ROS1: variants seen among roughly 807,000 people sequenced by gnomAD.
ROS1 encodes proto-oncogene tyrosine-protein kinase ROS.
In ROS1, 263 loss-of-function variants were observed where a neutral mutation model predicts 273.5. That is an observed-to-expected ratio of 0.96 (90% confidence interval 0.87 to 1.06). The LOEUF is 1.06. ROS1 is among the 50% of genes least tolerant of loss of function. ROS1 has a pLI of 0.00. For missense variants in ROS1, 2,833 were observed against 2,751.1 expected (o/e 1.03, Z -0.67); for synonymous variants, 1,008 against 954.1 (o/e 1.06, Z -1.04).
chr6:117,355,999 G>A (rs1320647474), intron 26 of ROS1, among the ~76,000 whole-genome samples: 1 of 152,080 alleles, frequency 6.6e-6, no homozygotes, highest in Non-Finnish European at 1.5e-5. Context: ...GAGTATATGG[G>A]GTATTTAGAG....
Position 117,342,504 on chromosome 6 carries a change from G to A in ROS1, c.4547C>T (p.Pro1516Leu), listed in dbSNP as rs112739824. The A allele has an allele frequency of 2.5e-6, 4 of 1,600,120 alleles. No individual in the cohort carries two copies. The highest frequency in any genetic ancestry group is 1.1e-5 in the South Asian group (1 of 90,330). ...DSIALIEDLQ[P>L]FSTYMIQIAV... ...TATCTGTATCATGTATGTTGAAAAT[G>A]GTTGTAAATCTTCAATAAGAGCTAT... is the stretch of plus-strand genomic sequence containing the variant. Residue 1516 changes from proline to leucine, a missense_variant, in exon 29 of 44, where the codon CCA becomes CTA. Pro to Leu is a moderately conservative substitution (Grantham distance 98). Transcript: ENST00000368507.
chr6:117,287,951 A>G lies in ROS1; in HGVS notation c.*541T>C, dbSNP rs1317249790. On this transcript the variant is annotated 3_prime_UTR_variant, in exon 44 of 44. Transcript: ENST00000368507. ...AAAAAAAAAATTAAAAAAAGATAAT[A>G]TATATATCATTGCAGTAACAGCTTT... 6.6e-6 allele frequency among the ~76,000 whole-genome samples: 1 copy of G among 151,604 alleles called. No individual in the cohort carries two copies. The highest frequency in any genetic ancestry group is 1.5e-5 in the Non-Finnish European group (1 of 67,942).
rs2128521409 is a variant in ROS1 at position 117,288,796 on chromosome 6, T to C, written c.6722A>G (p.Asp2241Gly). The stretch of plus-strand genomic sequence containing the variant: ...TGAATTCAAACAAATCACATCGCCA[T>C]CTTCACCTGTGAAAAAAATATGAAT... ...GVINESFEGE[D>G]GDVICLNSDD... The change falls in exon 44 of 44, where the codon GAT becomes GGT. Residue 2241 changes from aspartate (D) to glycine (G), a missense_variant. Physicochemically the swap from Asp to Gly is moderately conservative, Grantham distance 94. Coordinates refer to ENST00000368507, the MANE Select transcript of ROS1 (RefSeq NM_001378902.1). 6.3e-7 allele frequency: 1 copy of C among 1,585,414 alleles called. No individual in the cohort carries two copies. Among genetic ancestry groups the C allele is most frequent in the Non-Finnish European group, 8.6e-7 (1 of 1,168,434 alleles).
At chr6:117,367,488 C>T (rs1205549704) in intron 18 of ROS1, among the ~76,000 whole-genome samples, 1 of 152,230 alleles carries the variant, frequency 6.6e-6, no homozygotes, top group Non-Finnish European at 1.5e-5. Flanking sequence ...CAACAACCCT[C>T]ACTCAGATTC....
chr6:117,425,024 C>T (rs1776036412), intron 1 of ROS1, among the ~76,000 whole-genome samples: 1 of 152,088 alleles, frequency 6.6e-6, no homozygotes. Context: ...ATATAAAAAA[C>T]TCACTAACTA....
At position 117,389,339 on chromosome 6, in the gene ROS1, A is replaced by T; in HGVS notation, c.1786+11T>A. 1 of 1,607,006 alleles carries T rather than the reference A, an allele frequency of 6.2e-7. No individual in the cohort carries two copies. The highest frequency in any genetic ancestry group is 8.5e-7 in the Non-Finnish European group (1 of 1,176,578). On this transcript the variant is annotated intron_variant, in intron 13 of 43. Transcript: ENST00000368507. ...CAAGGCCAGTAACCACACTGGGGAC[A>T]GAGCACTCACTGGCTCCTATGGCAA...
intron 34 of ROS1, among the ~76,000 whole-genome samples, chr6:117,325,324 G>T (rs993990488): frequency 6.6e-6 from 1 of 152,116 alleles, no homozygotes; most frequent in Non-Finnish European, 1.5e-5. Flanking sequence ...AGGGGCACAG[G>T]GTAGGTAGTG....
chr6:117,321,829 A>ATTTTT (rs11451804), intron 35 of ROS1, among the ~76,000 whole-genome samples: 2 of 123,028 alleles, frequency 1.6e-5, no homozygotes, highest in Non-Finnish European at 3.3e-5. Context: ...TATAATGGCA[A>ATTTTT]TTTTTTTTTT....
At chr6:117,324,539 T>C in intron 34 of ROS1, 124 bp from the exon 35 acceptor site, 1 of 570,110 alleles carries the variant, frequency 1.8e-6, no homozygotes. Flanking sequence ...AAGCCAGTTG[T>C]TAGACCGTTG....
At chr6:117,422,380 T>A (rs1775821033) in intron 1 of ROS1, among the ~76,000 whole-genome samples, 1 of 152,258 alleles carries the variant, frequency 6.6e-6, no homozygotes, top group Non-Finnish European at 1.5e-5. Context: ...AGGAATTTTT[T>A]ATGCTACATG....
In ROS1 at chr6:117,359,790, GA is replaced by G. The variant is rs1400404034; in HGVS notation, c.3633+18del. On this transcript the variant is annotated intron_variant, in intron 24 of 43. Transcript: ENST00000368507. ...ATACTTCACTTCCTTTATTTCGGAA[GA>G]ATTACATAGTGAAATACCTCAGAGC... 4 of 1,599,494 alleles carry G rather than the reference GA, an allele frequency of 2.5e-6. No individual in the cohort carries two copies. Among genetic ancestry groups the G allele is most frequent in the Non-Finnish European group, 3.4e-6 (4 of 1,167,476 alleles).
At position 117,341,198 on chromosome 6, in the gene ROS1, C is replaced by T. The variant is rs1280459437; in HGVS notation, c.4998G>A (p.Leu1666=). 6.2e-7 allele frequency: 1 copy of T among 1,613,242 alleles called. No homozygotes were observed. The highest frequency in any genetic ancestry group is 8.5e-7 in the Non-Finnish European group (1 of 1,179,498). The change falls in exon 31 of 44, where the codon TTG becomes TTA. Residue 1666 remains leucine, a synonymous_variant. Transcript: ENST00000368507. ...PYSLVPENTS[L]QFNWKAPLNV... The stretch of plus-strand genomic sequence containing the variant: ...TCAATGGAGCCTTCCAATTAAATTG[C>T]AAACTAGTGTTCTCTGGAACCAAGG...
intron 42 of ROS1, 180 bp from the exon 43 acceptor site, chr6:117,301,317 C>T (rs1335284050): frequency 1.0e-5 from 5 of 479,220 alleles, no homozygotes; most frequent in South Asian, 3.5e-5. Flanking sequence ...AACATTACTA[C>T]GTTTATTAGA....
intron 27 of ROS1, among the ~76,000 whole-genome samples, chr6:117,346,583 T>C (rs1778398293): frequency 6.6e-6 from 1 of 151,836 alleles, no homozygotes; most frequent in African/African-American, 2.4e-5. Flanking sequence ...TTTTTTTTGG[T>C]AAGACTTTAT....
At chr6:117,324,697 C>A (rs1470503440) in intron 34 of ROS1, among the ~76,000 whole-genome samples, 2 of 152,074 alleles carry the variant, frequency 1.3e-5, no homozygotes, top group African/African-American at 4.8e-5. Context: ...ACATATATAT[C>A]TTTTTAATAA....
intron 3 of ROS1, among the ~76,000 whole-genome samples, chr6:117,415,578 T>C (rs1361471085): frequency 6.6e-6 from 1 of 152,172 alleles, no homozygotes; most frequent in East Asian, 1.9e-4. Context: ...TCTGTTATTA[T>C]CCTAAAATGG....
At chr6:117,417,795 C>T (rs117451917) in intron 2 of ROS1, among the ~76,000 whole-genome samples, 619 of 152,302 alleles carry the variant, frequency 4.1e-3, no homozygotes, top group Non-Finnish European at 5.3e-3. Flanking sequence ...TTTTTCCCCT[C>T]TAGTCCATCT....
chr6:117,304,281 G>A (rs1390388447), intron 42 of ROS1, among the ~76,000 whole-genome samples: 1 of 152,296 alleles, frequency 6.6e-6, no homozygotes, highest in African/African-American at 2.4e-5. Flanking sequence ...TATTATAATC[G>A]ATGTCAGATC....
rs376249709 is a variant in ROS1 at position 117,317,143 on chromosome 6, C to T, written c.6117G>A (p.Thr2039=). The change falls in exon 39 of 44, where the codon ACG becomes ACA. Residue 2039 remains threonine, a splice_region_variant and synonymous_variant. Coordinates refer to ENST00000368507, the MANE Select transcript of ROS1 (RefSeq NM_001378902.1). The part of the protein sequence containing the change: ...LTYLRKARMA[T]FYGPLLTLVD... ...AATATTATGGATCCCAACTGCCTACCGTTGCCATCCGGGCTTTACGCAAAT... is the reference window on the plus strand; with the variant it reads ...AATATTATGGATCCCAACTGCCTACTGTTGCCATCCGGGCTTTACGCAAAT... The T allele has an allele frequency of 3.0e-5, 48 of 1,610,910 alleles. No individual in the cohort carries two copies. The African/African-American group carries it at 5.8e-4, about 19-fold the overall frequency.
Sources: gnomAD v4.1 joint callset for allele counts (sites outside exome capture counted in the v4.1 genomes callset) on GRCh38, gnomAD v4.1.1 for gene constraint, MANE v1.5 for transcripts, NCBI Gene and HGNC (gene_info 2026-07-23, HGNC 2026-07-21) for gene names.